Variants in NKD1 observed in about 807,000 individuals in gnomAD.
NKD1 encodes NKD inhibitor of Wnt signaling pathway 1, also known as protein naked cuticle homolog 1.
In NKD1, 21 loss-of-function variants were observed where a neutral mutation model predicts 56.0. That is an observed-to-expected ratio of 0.38 (90% CI 0.27 to 0.54). The LOEUF (loss-of-function observed/expected upper bound fraction) is 0.54. Ranked by LOEUF, NKD1 falls within the 20% of genes least tolerant of loss-of-function variation. The pLI, the probability that NKD1 is intolerant of heterozygous loss-of-function variation, is 0.82. For synonymous variants in NKD1, 263 were observed against 265.7 expected, an observed-to-expected ratio of 0.99 and a Z score of 0.10; for missense variants, 578 against 642.7, an observed-to-expected ratio of 0.90 and a Z score of 1.09.
chr16:50,596,621 C>T (rs112070138), intron 3 of NKD1, among the ~76,000 whole-genome samples: 6 of 152,230 alleles, frequency 3.9e-5, no homozygotes, highest in Non-Finnish European at 8.8e-5. Context: ...CAAGAAAATG[C>T]AGGGCGTGTT....
intron 3 of NKD1, chr16:50,571,476 C>T: frequency 1.0e-6 from 1 of 985,426 alleles, no homozygotes; most frequent in South Asian, 4.7e-5. Context: ...CGCTCACACA[C>T]CCAAACAGCC....
intron 3 of NKD1, among the ~76,000 whole-genome samples, chr16:50,568,331 CTG>C (rs1192305975): frequency 6.6e-6 from 1 of 152,180 alleles, no homozygotes; most frequent in Non-Finnish European, 1.5e-5. Context: ...GGGGAAGAAA[CTG>C]AGAGTGGTAG....
rs776049840 is a variant in NKD1, at chr16:50,548,608, G to A, written c.25+30G>A. 1.9e-5 allele frequency: 27 copies of A among 1,446,158 alleles called. No homozygotes were observed. The East Asian group carries it at 3.3e-4, about 18-fold the overall frequency. 89.6% of individuals were successfully genotyped at this position (1,446,158 alleles called of 1,614,324 possible). On this transcript the variant is annotated intron_variant, in intron 1 of 9. Transcript: ENST00000268459. ...GTGCCCCCGCCCGCGCGCTCGCCCC[G>A]GGCCCCGCCGCCGTCGCCGCCGCGG...
intron 8 of NKD1, 102 bp downstream of exon 8, chr16:50,631,012 C>T: frequency 1.2e-6 from 1 of 816,136 alleles, no homozygotes. Context: ...GTGTTCTCTT[C>T]AGGGAGCCAA....
At chr16:50,576,761 T>TA (rs1961002724) in intron 3 of NKD1, among the ~76,000 whole-genome samples, 1 of 151,158 alleles carries the variant, frequency 6.6e-6, no homozygotes, top group Admixed American at 6.6e-5. Context: ...TTTTTTTTTT[T>TA]AAAGAATGAC....
chr16:50,599,152 T>C lies in NKD1; in HGVS notation c.193-9142T>C, dbSNP rs1202732094. Among the ~76,000 whole-genome samples, 18 of 151,986 alleles carry C rather than the reference T, an allele frequency of 1.2e-4. 1 individual carries two copies. The highest frequency in any genetic ancestry group is 2.6e-4 in the Non-Finnish European group (18 of 67,992). ...TGCTGGGCTGGGCTTTGATCCGCTG[T>C]GGCATCCCTGACAAAAACCAGGGCA... On this transcript the variant is annotated intron_variant, in intron 3 of 9. Transcript: ENST00000268459.
chr16:50,638,215 C>G lies in NKD1; in HGVS notation c.*4434C>G, dbSNP rs558415590. 6.6e-6 allele frequency: 1 copy of G among 152,220 alleles called. No individual in the cohort carries two copies. The highest frequency in any genetic ancestry group is 2.4e-5 in the African/African-American group (1 of 41,514). 9.4% of individuals were successfully genotyped at this position (152,220 alleles called of 1,614,324 possible). ...CTGGCTTCTGTGAGGCCTGTCAGTG[C>G]TCTCAGGAATGAAAGGGGACCCCTG... On this transcript the variant is annotated 3_prime_UTR_variant, in exon 10 of 10. Transcript: ENST00000268459.
chr16:50,549,586 G>A lies in NKD1; in HGVS notation c.192+31G>A. 2.0e-6 allele frequency: 3 copies of A among 1,534,588 alleles called. No individual in the cohort carries two copies. The East Asian group carries it at 7.1e-5, about 36-fold the overall frequency. On this transcript the variant is annotated intron_variant, in intron 3 of 9. Coordinates refer to ENST00000268459, the MANE Select transcript of NKD1 (RefSeq NM_033119.5). ...ATTCCCCACCCCTGCCCCACCTCCT[G>A]GCCTCCTTTCAGCCTCAGAGATGGG... is the stretch of plus-strand genomic sequence containing the variant.
At chr16:50,561,720 C>T (rs1352886734) in intron 3 of NKD1, among the ~76,000 whole-genome samples, 1 of 152,126 alleles carries the variant, frequency 6.6e-6, no homozygotes. Context: ...AAGGTTTAGG[C>T]CTGGAATTAG....
At chr16:50,625,715 T>C in intron 6 of NKD1, 135 bp downstream of exon 6, 1 of 638,818 alleles carries the variant, frequency 1.6e-6, no homozygotes, top group South Asian at 1.8e-5. Flanking sequence ...AGCCAGGGAG[T>C]TGCTGGGAGC....
At chr16:50,612,717 G>C (rs926508748) in intron 4 of NKD1, among the ~76,000 whole-genome samples, 6 of 152,162 alleles carry the variant, frequency 3.9e-5, no homozygotes, top group Non-Finnish European at 8.8e-5. Flanking sequence ...CAGAACCCCA[G>C]AGTGGAGGGA....
rs1250751291 is a variant in NKD1, at chr16:50,633,782, AG to A, written c.*2del. 1.4e-6 allele frequency: 2 copies of A among 1,460,748 alleles called. No individual in the cohort carries two copies. Among genetic ancestry groups the A allele is most frequent in the South Asian group, 1.4e-5 (1 of 71,614 alleles). The allele number at this position is 1,460,748 out of a possible 1,614,324, so 90.5% of individuals were successfully genotyped here. A position where few individuals can be genotyped will look rare whatever the true frequency, so the allele number is the denominator to read the frequency against. ...TTACCACCACTTCTACCAGACATAG[AG>A]CCCCTCCCCAGGGCCCCACCCTGCC... On this transcript the variant is annotated 3_prime_UTR_variant, in exon 10 of 10. Coordinates refer to ENST00000268459, the MANE Select transcript of NKD1 (RefSeq NM_033119.5). The surrounding 1 kb of genome is among the most constrained non-coding windows in gnomAD (Gnocchi z 4.9).
chr16:50,582,879 C>A (rs1352288297), intron 3 of NKD1, among the ~76,000 whole-genome samples: 1 of 152,156 alleles, frequency 6.6e-6, no homozygotes, highest in Non-Finnish European at 1.5e-5. Context: ...TGGTGGTGGG[C>A]ACCTATAATC....
intron 4 of NKD1, among the ~76,000 whole-genome samples, chr16:50,614,588 T>G (rs566231890): frequency 6.6e-6 from 1 of 152,230 alleles, no homozygotes; most frequent in East Asian, 1.9e-4. Context: ...CTTGCACATG[T>G]TGGACTCACT....
intron 5 of NKD1, among the ~76,000 whole-genome samples, 181 bp downstream of exon 5, chr16:50,621,889 C>T (rs1322578166): frequency 6.6e-6 from 1 of 152,208 alleles, no homozygotes; most frequent in Non-Finnish European, 1.5e-5. Context: ...GGGCAGACCC[C>T]AGGGACTCAC....
intron 3 of NKD1, among the ~76,000 whole-genome samples, chr16:50,582,401 G>A (rs991529485): frequency 6.6e-6 from 1 of 152,178 alleles, no homozygotes. Context: ...TCTGGATCTT[G>A]CAGGTGCCCA....
chr16:50,598,002 T>C lies in NKD1; in HGVS notation c.193-10292T>C, dbSNP rs559583252. Among the ~76,000 whole-genome samples the C allele has an allele frequency of 1.9e-4, 29 of 152,070 alleles. No homozygotes were observed. Among genetic ancestry groups the C allele is most frequent in the African/African-American group, 6.5e-4 (27 of 41,480 alleles). On this transcript the variant is annotated intron_variant, in intron 3 of 9. Coordinates refer to ENST00000268459, the MANE Select transcript of NKD1 (RefSeq NM_033119.5). This position sits in a 1 kb window ranked among gnomAD's most constrained non-coding sequence, Gnocchi z 4.2. ...ACTGGCAGTAGAGGGAGGAGGGCGC[T>C]CCGGGTGAAGGGGACAGGATGGTCC... is the stretch of plus-strand genomic sequence containing the variant.
rs577906128 is a variant in NKD1 at position 50,633,868 on chromosome 16, T to G, written c.*87T>G. On this transcript the variant is annotated 3_prime_UTR_variant, in exon 10 of 10. Transcript: ENST00000268459. This position sits in a 1 kb window ranked among gnomAD's most constrained non-coding sequence, Gnocchi z 4.9. ...TTATTATTCTATTAATTATTGTTATTATGATGATTATTGTTATTAATAATT... is the reference window on the plus strand; with the variant it reads ...TTATTATTCTATTAATTATTGTTATGATGATGATTATTGTTATTAATAATT... 3 of 628,894 alleles carry G rather than the reference T, an allele frequency of 4.8e-6. No individual in the cohort carries two copies. Among genetic ancestry groups the G allele is most frequent in the East Asian group, 3.0e-5 (1 of 32,818 alleles). The allele number at this position is 628,894 out of a possible 1,614,324, so 39.0% of individuals were successfully genotyped here.
intron 3 of NKD1, among the ~76,000 whole-genome samples, chr16:50,559,479 G>T (rs1383530708): frequency 6.6e-6 from 1 of 152,062 alleles, no homozygotes; most frequent in Non-Finnish European, 1.5e-5. Flanking sequence ...TGCAGGGTTG[G>T]TGCACAGAGA....
Sources: allele counts gnomAD v4.1 joint callset (sites outside exome capture counted in the v4.1 genomes callset), GRCh38; gene constraint gnomAD v4.1.1; non-coding constraint Gnocchi (gnomAD v3.1); transcripts MANE v1.5; gene names NCBI Gene and HGNC (gene_info 2026-07-23, HGNC 2026-07-21).